AHI1: variants seen among roughly 807,000 people sequenced by gnomAD.
AHI1 encodes jouberin.
A neutral mutation model predicts 149.3 loss-of-function variants in AHI1; 123 were observed. The ratio of observed to expected loss-of-function variants is 0.82; its 90% CI spans 0.71 to 0.96. AHI1 has a LOEUF of 0.96. Among genes scored for constraint, AHI1 ranks in the 40% least tolerant of loss-of-function variants. The pLI, the probability that AHI1 is intolerant of heterozygous loss-of-function variation, is 0.00. For synonymous variants in AHI1, 475 were observed against 459.8 expected (o/e 1.03, Z -0.42); for missense variants, 1,439 against 1,422.7 (o/e 1.01, Z -0.18).
At chr6:135,465,109 T>C (rs1048297609) in intron 7 of AHI1, among the ~76,000 whole-genome samples, 3 of 152,148 alleles carry the variant, frequency 2.0e-5, no homozygotes, top group African/African-American at 7.2e-5. Context: ...TTAGGGGAAA[T>C]TGATGCTGAA....
chr6:135,400,214 T>C (rs1443778548), intron 22 of AHI1, among the ~76,000 whole-genome samples: 1 of 152,210 alleles, frequency 6.6e-6, no homozygotes, highest in Non-Finnish European at 1.5e-5. Flanking sequence ...AAAAACACTA[T>C]TCTACTCAAA....
intron 24 of AHI1, among the ~76,000 whole-genome samples, chr6:135,350,154 A>T: frequency 6.6e-6 from 1 of 152,164 alleles, no homozygotes; most frequent in East Asian, 1.9e-4. Flanking sequence ...GGGCTAAATT[A>T]ATTGCTATTC....
At chr6:135,361,801 T>C (rs977796027) in intron 23 of AHI1, among the ~76,000 whole-genome samples, 1 of 152,180 alleles carries the variant, frequency 6.6e-6, no homozygotes, top group East Asian at 1.9e-4. Flanking sequence ...TATGTGTGTA[T>C]CTTTGGATTT....
intron 15 of AHI1, chr6:135,435,157 C>T (rs762992228): frequency 1.3e-5 from 2 of 152,152 alleles, no homozygotes; most frequent in Admixed American, 1.3e-4. Context: ...TATTCCTTAC[C>T]TCTTTCAAAA....
At chr6:135,324,538 A>G (rs1199259815) in intron 24 of AHI1, among the ~76,000 whole-genome samples, 2 of 111,888 alleles carry the variant, frequency 1.8e-5, no homozygotes, top group Admixed American at 9.7e-5. Context: ...AATTACATAT[A>G]TAGTTATATA....
chr6:135,483,510 C>T (rs945259838), intron 5 of AHI1, among the ~76,000 whole-genome samples: 1 of 152,076 alleles, frequency 6.6e-6, no homozygotes, highest in Non-Finnish European at 1.5e-5. Context: ...ATACGGTATA[C>T]ACAATAAAAG....
In AHI1 at chr6:135,290,273, G is replaced by A. The variant is rs560473687; in HGVS notation, c.3588+150C>T. ...CATCAAAACTATCTTCTCCAAGGTC[G>A]CAAATGGCCTCCCGGTTACAGATCC... On this transcript the variant is annotated intron_variant, in intron 28 of 28. Transcript: ENST00000265602. 1.7e-3 allele frequency: 1,027 copies of A among 619,868 alleles called. 2 individuals are homozygous for A. Among genetic ancestry groups the A allele is most frequent in the Admixed American group, 2.3e-3 (90 of 38,636 alleles). The allele number at this position is 619,868 out of a possible 1,614,324, so 38.4% of individuals were successfully genotyped here.
At chr6:135,467,929 C>T (rs940771828) in intron 5 of AHI1, among the ~76,000 whole-genome samples, 4 of 152,044 alleles carry the variant, frequency 2.6e-5, no homozygotes, top group Admixed American at 6.6e-5. Flanking sequence ...TGTTAACATT[C>T]GGTGCTACAA....
chr6:135,321,800 C>G (rs778022928), intron 25 of AHI1, among the ~76,000 whole-genome samples: 2 of 152,056 alleles, frequency 1.3e-5, no homozygotes, highest in Non-Finnish European at 2.9e-5. Context: ...GCCTATACTA[C>G]AACTTTTTTT....
chr6:135,398,045 T>C (rs1041423803), intron 22 of AHI1, among the ~76,000 whole-genome samples: 1 of 133,342 alleles, frequency 7.5e-6, no homozygotes, highest in Admixed American at 7.8e-5. Flanking sequence ...AAGAAACCAA[T>C]AATACCCAGG....
intron 26 of AHI1, chr6:135,301,994 C>A (rs547639776): frequency 5.8e-4 from 568 of 983,942 alleles, no homozygotes; most frequent in Non-Finnish European, 6.4e-4. Context: ...ATGTTTTATT[C>A]TTTTCTTTTT....
chr6:135,496,498 CAGAT>C lies in AHI1; in HGVS notation c.-139-604_-139-601del, dbSNP rs199583873. 7.6e-3 allele frequency among the ~76,000 whole-genome samples: 1,161 copies of C among 152,336 alleles called. 18 individuals are homozygous for C. Among genetic ancestry groups the C allele is most frequent in the African/African-American group, 0.027 (1,102 of 41,576 alleles). On this transcript the variant is annotated intron_variant, in intron 2 of 28. Transcript: ENST00000265602. ...TTGATTAGTAACCTCTGCAAAAAAT[CAGAT>C]AGGACTTTAAAAGACACCTCTGATT...
chr6:135,494,652 A>G (rs1403445508), intron 3 of AHI1, among the ~76,000 whole-genome samples: 1 of 152,214 alleles, frequency 6.6e-6, no homozygotes, highest in Non-Finnish European at 1.5e-5. Flanking sequence ...GTGTTTACGT[A>G]TATAATCATA....
intron 19 of AHI1, among the ~76,000 whole-genome samples, chr6:135,428,004 A>C (rs915584757): frequency 6.6e-6 from 1 of 151,672 alleles, no homozygotes; most frequent in Non-Finnish European, 1.5e-5. Flanking sequence ...GAATAAAAAA[A>C]AAACAAGGAA....
chr6:135,453,263 C>A, intron 11 of AHI1, 78 bp downstream of exon 11: 1 of 1,126,504 alleles, frequency 8.9e-7, no homozygotes, highest in Non-Finnish European at 1.3e-6. Flanking sequence ...TTATATGAGA[C>A]CAAACTGATT....
chr6:135,368,501 T>C (rs1466766383), intron 23 of AHI1, among the ~76,000 whole-genome samples: 3 of 152,064 alleles, frequency 2.0e-5, no homozygotes, highest in East Asian at 1.9e-4. Flanking sequence ...AGAAAGACCA[T>C]GGTGGTGGTG....
At chr6:135,394,951 C>CAA (rs1779019716) in intron 22 of AHI1, 55 bp from the exon 23 acceptor site, 1 of 1,535,554 alleles carries the variant, frequency 6.5e-7, no homozygotes, top group East Asian at 2.4e-5. Context: ...ATTACTAATG[C>CAA]AAAAACTGGA....
chr6:135,494,510 T>C (rs1279995489), intron 3 of AHI1, among the ~76,000 whole-genome samples: 2 of 152,174 alleles, frequency 1.3e-5, no homozygotes, highest in African/African-American at 4.8e-5. Flanking sequence ...TCTTTCACAA[T>C]AATAAGAGTA....
At position 135,442,731 on chromosome 6, in the gene AHI1, TA is replaced by T. The variant is rs1306921280; in HGVS notation, c.1780-18del. Reference sequence around the variant, plus strand: ...ACGGCAAGCCTAAAAAACATACGTTTAAAAAATATAAATTAGCAAACATTAA... The same window carrying T: ...ACGGCAAGCCTAAAAAACATACGTTTAAAAATATAAATTAGCAAACATTAA... On this transcript the variant is annotated intron_variant, in intron 13 of 28. Coordinates refer to ENST00000265602, the MANE Select transcript of AHI1 (RefSeq NM_001134831.2). 1.0e-5 allele frequency: 16 copies of T among 1,577,734 alleles called. No individual in the cohort carries two copies. The highest frequency in any genetic ancestry group is 1.4e-5 in the Non-Finnish European group (16 of 1,162,342).
Sources: gnomAD v4.1 joint callset for allele counts (sites outside exome capture counted in the v4.1 genomes callset) on GRCh38, gnomAD v4.1.1 for gene constraint, MANE v1.5 for transcripts, NCBI Gene and HGNC (gene_info 2026-07-23, HGNC 2026-07-21) for gene names.